The following DST variants were observed in gnomAD, a reference collection of about 807,000 sequenced individuals.
DST encodes bullous pemphigoid antigen.
DST carries 253 observed loss-of-function variants against 875.2 expected under a neutral mutation model. That is an observed-to-expected ratio of 0.29 (90% CI 0.26 to 0.32). The LOEUF is 0.32. Ranked by LOEUF, DST falls within the 10% of genes least tolerant of loss-of-function variation. The pLI is 1.00. For synonymous variants in DST, 3,124 were observed against 3,197.1 expected (o/e 0.98, Z 0.77); for missense variants, 8,287 against 9,111.6 (o/e 0.91, Z 3.68).
chr6:56,742,134 T>C (rs2152938815), intron 4 of DST: 1 of 449,932 alleles, frequency 2.2e-6, no homozygotes, highest in Non-Finnish European at 4.3e-6. Flanking sequence ...TCAGAAGTTG[T>C]CCTGATTTCA....
At chr6:56,812,076 T>G (rs2099760663) in intron 4 of DST, among the ~76,000 whole-genome samples, 2 of 106,674 alleles carry the variant, frequency 1.9e-5, no homozygotes, top group Non-Finnish European at 3.8e-5. Flanking sequence ...CACTCCAGCC[T>G]GGGCAACAGA....
intron 23 of DST, 140 bp downstream of exon 23, chr6:56,636,416 AC>A: frequency 1.5e-6 from 1 of 676,500 alleles, no homozygotes; most frequent in Non-Finnish European, 2.7e-6. Context: ...ATATATACAC[AC>A]ATATATGTGT....
intron 49 of DST, among the ~76,000 whole-genome samples, chr6:56,589,572 A>G (rs750115535): frequency 6.6e-6 from 1 of 152,226 alleles, no homozygotes; most frequent in Admixed American, 6.5e-5. Flanking sequence ...TCCTGACTTA[A>G]CACCACCCCA....
At chr6:56,949,160 C>A (rs1821122222) in intron 2 of DST, among the ~76,000 whole-genome samples, 1 of 152,144 alleles carries the variant, frequency 6.6e-6, no homozygotes, top group African/African-American at 2.4e-5. Flanking sequence ...CATAAAGATG[C>A]AAACTTCTCT....
chr6:56,467,715 T>A (rs953501655), intron 98 of DST, among the ~76,000 whole-genome samples: 2 of 152,186 alleles, frequency 1.3e-5, no homozygotes, highest in Non-Finnish European at 2.9e-5. Flanking sequence ...ATTTCAAGTG[T>A]AATGAATACA....
intron 2 of DST, among the ~76,000 whole-genome samples, chr6:56,942,299 G>T (rs933192785): frequency 2.0e-5 from 3 of 152,018 alleles, no homozygotes; most frequent in African/African-American, 7.2e-5. Flanking sequence ...TGGAGTGTTT[G>T]GCCCATTAAT....
At chr6:56,615,241 C>CT (rs1186817192) in intron 36 of DST, 4 of 1,215,694 alleles carry the variant, frequency 3.3e-6, no homozygotes, top group Non-Finnish European at 4.1e-6. Flanking sequence ...TCAAGTTTAT[C>CT]CCACATTCTA....
Position 56,651,040 on chromosome 6 carries a change from C to T in DST, c.1328-8G>A, listed in dbSNP as rs746409653. 2 of 1,598,772 alleles carry T rather than the reference C, an allele frequency of 1.3e-6. No homozygotes were observed. The highest frequency in any genetic ancestry group is 1.7e-5 in the Admixed American group (1 of 59,728). On this transcript the variant is annotated splice_region_variant and splice_polypyrimidine_tract_variant and intron_variant, in intron 11 of 103. Coordinates refer to ENST00000680361, the MANE Select transcript of DST (RefSeq NM_001374736.1). Reference sequence around the variant, plus strand: ...GTGAGGAGACATCGACATCTAAAAACAGCAACATAAATTAATTATTTCACA... The same window carrying T: ...GTGAGGAGACATCGACATCTAAAAATAGCAACATAAATTAATTATTTCACA...
chr6:56,570,008 C>T lies in DST; in HGVS notation c.13726G>A (p.Glu4576Lys). Residue 4576 changes from glutamate (E) to lysine (K), a missense_variant, in exon 54 of 104, where the codon GAA (glutamate) becomes AAA (lysine). Physicochemically the swap from Glu to Lys is moderately conservative, Grantham distance 56 (BLOSUM62 1). Around this residue, in one of 10 missense-constraint regions of DST, gnomAD observed 1,513 missense variants for 1,677.8 expected, o/e 0.90. Coordinates refer to ENST00000680361, the MANE Select transcript of DST (RefSeq NM_001374736.1). ...TGTTCTTGACAAGAAGTTACAGCTT[C>T]TTTTCTACATAACAAAAATCATACA... ...EMEDTIKEKK[E>K]AVTSCQEQLD... 6.3e-7 allele frequency: 1 copy of T among 1,575,174 alleles called. No individual in the cohort carries two copies. Among genetic ancestry groups the T allele is most frequent in the South Asian group, 1.2e-5 (1 of 83,130 alleles).
At chr6:56,942,611 T>C (rs1213372805) in intron 2 of DST, among the ~76,000 whole-genome samples, 1 of 152,100 alleles carries the variant, frequency 6.6e-6, no homozygotes, top group Non-Finnish European at 1.5e-5. Flanking sequence ...TGCCATTCTT[T>C]ACACTAAAGG....
chr6:56,555,868 AATT>A lies in DST; in HGVS notation c.14641-31_14641-29del, dbSNP rs748326887. On this transcript the variant is annotated intron_variant, in intron 59 of 103. Coordinates refer to ENST00000680361, the MANE Select transcript of DST (RefSeq NM_001374736.1). The stretch of plus-strand genomic sequence containing the variant: ...AAGGTAACAAGGGTAAACAAACGCA[AATT>A]ATTATATAATTGATTGTAGAAAACA... 4.8e-6 allele frequency: 7 copies of A among 1,451,226 alleles called. No homozygotes were observed. In the South Asian group the frequency reaches 1.2e-4, roughly 24 times the overall value. The allele number at this position is 1,451,226 out of a possible 1,614,324, so 89.9% of individuals were successfully genotyped here.
chr6:56,858,192 T>TGAGAGGAAGGGGTATCAGAGG (rs1554210649), intron 3 of DST, among the ~76,000 whole-genome samples: 2 of 151,454 alleles, frequency 1.3e-5, no homozygotes, highest in Non-Finnish European at 2.9e-5. Context: ...TGGGTGGAGG[T>TGAGAGGAAGGGGTATCAGAGG]GAGAGGAAGG....
intron 3 of DST, among the ~76,000 whole-genome samples, chr6:56,887,253 C>CTG (rs1297473031): frequency 6.6e-6 from 1 of 152,160 alleles, no homozygotes; most frequent in Non-Finnish European, 1.5e-5. Context: ...CTTTGATTCA[C>CTG]AAAGACTGAG....
intron 61 of DST, among the ~76,000 whole-genome samples, chr6:56,539,125 C>T (rs948279366): frequency 6.6e-6 from 1 of 152,000 alleles, no homozygotes; most frequent in South Asian, 2.1e-4. Context: ...GTTTTCAGGA[C>T]AAAAGGATAA....
At chr6:56,833,391 T>G (rs150144908) in intron 4 of DST, among the ~76,000 whole-genome samples, 23 of 152,344 alleles carry the variant, frequency 1.5e-4, no homozygotes, top group African/African-American at 5.5e-4. Flanking sequence ...ACTTTCTCAC[T>G]AACTACTTTC....
At chr6:56,616,796 G>C (rs980193728) in intron 36 of DST, 12 of 1,614,052 alleles carry the variant, frequency 7.4e-6, no homozygotes, top group African/African-American at 1.3e-5. Flanking sequence ...CACTGACAAT[G>C]TCTTAGAAGA....
intron 10 of DST, among the ~76,000 whole-genome samples, chr6:56,659,274 G>A (rs1013325640): frequency 3.3e-5 from 5 of 152,140 alleles, no homozygotes; most frequent in Non-Finnish European, 5.9e-5. Context: ...ATAGTAATTA[G>A]GGCTGTAAGC....
chr6:56,617,765 T>C (rs943814771), intron 36 of DST, among the ~76,000 whole-genome samples: 1 of 152,236 alleles, frequency 6.6e-6, no homozygotes, highest in Admixed American at 6.5e-5. Context: ...GTATATCTAT[T>C]ACATCTGTAT....
rs1233912975 is a variant in DST at position 56,632,019 on chromosome 6, T to C, written c.3827A>G (p.Tyr1276Cys). ...AEREEQEESV[Y>C]NLYISEVRNI... The stretch of plus-strand genomic sequence containing the variant: ...TCGAACTTCAGAGATGTAGAGATTA[T>C]AAACTGATTCCTCTTGCTCCTCTGT... The change falls in exon 29 of 104, where the codon TAT becomes TGT. Residue 1276 changes from tyrosine to cysteine, a missense_variant. Tyr to Cys is a radical substitution (Grantham distance 194). This residue lies in a region of DST where 3,138 missense variants were observed against 3,116.6 expected (regional missense o/e 1.01). Coordinates refer to ENST00000680361, the MANE Select transcript of DST (RefSeq NM_001374736.1). 6.2e-7 allele frequency: 1 copy of C among 1,612,994 alleles called. No homozygotes were observed. Among genetic ancestry groups the C allele is most frequent in the Non-Finnish European group, 8.5e-7 (1 of 1,179,108 alleles).
Sources: allele counts gnomAD v4.1 joint callset (sites outside exome capture counted in the v4.1 genomes callset), GRCh38; gene constraint gnomAD v4.1.1; regional missense constraint gnomAD v4.1.1; transcripts MANE v1.5; gene names NCBI Gene and HGNC (gene_info 2026-07-23, HGNC 2026-07-21).